Variants in HMCN1 observed in about 807,000 individuals in gnomAD.
HMCN1 encodes hemicentin-1.
Under a neutral mutation model 625.9 loss-of-function variants are expected in HMCN1, and 321 were observed. The observed-to-expected ratio is 0.51, with a 90% confidence interval of 0.47 to 0.56. HMCN1 has a LOEUF of 0.56. HMCN1 is among the 20% of genes least tolerant of loss of function. The pLI, the probability that HMCN1 is intolerant of heterozygous loss-of-function variation, is 0.00. For missense variants in HMCN1, 6,588 were observed against 6,887.3 expected (o/e 0.96, Z 1.54); for synonymous variants, 2,425 against 2,417.6 (o/e 1.00, Z -0.09).
chr1:186,016,853 C>A, intron 32 of HMCN1, 110 bp from the exon 33 acceptor site: 1 of 742,854 alleles, frequency 1.3e-6, no homozygotes, highest in South Asian at 1.4e-5. Flanking sequence ...TGTATCAAAC[C>A]ACTATGATAC....
intron 1 of HMCN1, among the ~76,000 whole-genome samples, chr1:185,819,062 C>A (rs971142238): frequency 6.6e-6 from 1 of 151,854 alleles, no homozygotes; most frequent in African/African-American, 2.4e-5. Context: ...CATGGTGAAA[C>A]CCCATCTCTA....
chr1:186,144,271 C>G lies in HMCN1; in HGVS notation c.14023C>G (p.Pro4675Ala), dbSNP rs903692305. ...AGCAAGACTTTGTAATAACCCACCA[C>G]CAGCGTTTGGTGGGTCCTACTGTGA... ...TRARLCNNPP[P>A]AFGGSYCDGA... is the part of the protein sequence containing the mutation. Residue 4675 changes from proline (P) to alanine (A), a missense_variant, in exon 90 of 107, where the codon CCA (proline) becomes GCA (alanine). Coordinates refer to ENST00000271588, the MANE Select transcript of HMCN1 (RefSeq NM_031935.3). The G allele has an allele frequency of 6.2e-7, 1 of 1,613,864 alleles. No homozygotes were observed. The highest frequency in any genetic ancestry group is 8.5e-7 in the Non-Finnish European group (1 of 1,179,824).
chr1:186,142,605 C>A (rs1650041198), intron 89 of HMCN1, among the ~76,000 whole-genome samples: 1 of 152,026 alleles, frequency 6.6e-6, no homozygotes, highest in Non-Finnish European at 1.5e-5. Flanking sequence ...ATGTTTTATG[C>A]CAACTCCAGT....
At chr1:186,066,625 C>T (rs1658133270) in intron 49 of HMCN1, among the ~76,000 whole-genome samples, 1 of 152,200 alleles carries the variant, frequency 6.6e-6, no homozygotes, top group African/African-American at 2.4e-5. Flanking sequence ...CTGTCTGACA[C>T]TACTCTGGCA....
At position 186,080,195 on chromosome 1, in the gene HMCN1, C is replaced by T. The variant is rs1659080280; in HGVS notation, c.8600-1012C>T. ...ATGTGAAAGTACGCATTCAAAATAA[C>T]ATTGAAATTCTATTGTGTGCTTTGT... On this transcript the variant is annotated intron_variant, in intron 55 of 106. Coordinates refer to ENST00000271588, the MANE Select transcript of HMCN1 (RefSeq NM_031935.3). Among the ~76,000 whole-genome samples the T allele has an allele frequency of 2.6e-5, 4 of 152,294 alleles. No homozygotes were observed. In the South Asian group the frequency reaches 8.3e-4, roughly 32 times the overall value.
chr1:185,860,486 TA>T (rs2102347896), intron 2 of HMCN1, among the ~76,000 whole-genome samples: 1 of 152,264 alleles, frequency 6.6e-6, no homozygotes, highest in African/African-American at 2.4e-5. Context: ...AACATTTATT[TA>T]TTTTTTTAAG....
chr1:185,776,139 A>G (rs1656589546), intron 1 of HMCN1, among the ~76,000 whole-genome samples: 2 of 151,896 alleles, frequency 1.3e-5, no homozygotes, highest in African/African-American at 4.8e-5. Flanking sequence ...TATTTTATTT[A>G]TTTCCTATTT....
At chr1:186,109,808 C>A (rs2102460547) in intron 71 of HMCN1, among the ~76,000 whole-genome samples, 1 of 152,298 alleles carries the variant, frequency 6.6e-6, no homozygotes, top group East Asian at 1.9e-4. Context: ...TGGTTAAAAT[C>A]TTTGATGGTT....
intron 1 of HMCN1, among the ~76,000 whole-genome samples, chr1:185,790,998 ATT>A (rs930075023): frequency 6.6e-6 from 1 of 151,724 alleles, no homozygotes; most frequent in African/African-American, 2.4e-5. Context: ...TTCCAAACTT[ATT>A]TTTTTTCTTC....
At chr1:186,144,376 A>T (rs773353075) in intron 90 of HMCN1, 33 bp downstream of exon 90, 2 of 1,608,568 alleles carry the variant, frequency 1.2e-6, no homozygotes, top group South Asian at 2.2e-5. Context: ...ACCTTAATAA[A>T]TTAACATCTA....
chr1:186,031,857 A>AAATATATATGATATAAAATAT (rs1655461275), intron 36 of HMCN1, among the ~76,000 whole-genome samples: 1 of 151,958 alleles, frequency 6.6e-6, no homozygotes, highest in Non-Finnish European at 1.5e-5. Context: ...CTCTTGATTA[A>AAATATATATGATATAAAATAT]CATCTATATT....
chr1:185,934,803 T>G (rs186302025), intron 11 of HMCN1, among the ~76,000 whole-genome samples: 2 of 152,176 alleles, frequency 1.3e-5, no homozygotes, highest in African/African-American at 4.8e-5. Flanking sequence ...CAAGGTTACC[T>G]AAGAAAATGA....
At chr1:186,062,786 T>C (rs1029948525) in intron 48 of HMCN1, among the ~76,000 whole-genome samples, 186 bp downstream of exon 48, 2 of 151,854 alleles carry the variant, frequency 1.3e-5, no homozygotes, top group Admixed American at 6.6e-5. Context: ...ACATTTTACT[T>C]ATTAGGTAAT....
intron 35 of HMCN1, among the ~76,000 whole-genome samples, chr1:186,021,243 T>C (rs537425712): frequency 3.3e-5 from 5 of 152,156 alleles, no homozygotes; most frequent in Admixed American, 2.6e-4. Context: ...CTCCTAGGAT[T>C]CCAACGTACA....
intron 77 of HMCN1, 88 bp from the exon 78 acceptor site, chr1:186,119,103 G>T: frequency 1.1e-6 from 1 of 923,508 alleles, no homozygotes; most frequent in South Asian, 1.3e-5. Flanking sequence ...CATGCTATTT[G>T]CAGAAAACAC....
At position 186,065,372 on chromosome 1, in the gene HMCN1, T is replaced by C. The variant is rs1399140125; in HGVS notation, c.7648T>C (p.Cys2550Arg). Residue 2550 changes from cysteine to arginine, a missense_variant, in exon 49 of 107, where the codon TGT becomes CGT. Around this residue, in one of 3 missense-constraint regions of HMCN1, gnomAD observed 4,628 missense variants for 4,853.1 expected, o/e 0.95. Transcript: ENST00000271588. ...GGTGCCACACACTGGAAGATATACA[T>C]GTTTGGCTTCCAGTCCAGCTGGCCA... ...VQVPHTGRYT[C>R]LASSPAGHKS... 8.1e-6 allele frequency: 13 copies of C among 1,611,586 alleles called. No homozygotes were observed. The highest frequency in any genetic ancestry group is 1.0e-5 in the Non-Finnish European group (12 of 1,179,670).
intron 17 of HMCN1, among the ~76,000 whole-genome samples, chr1:185,981,583 T>C (rs1651638995): frequency 6.6e-6 from 1 of 152,202 alleles, no homozygotes; most frequent in Non-Finnish European, 1.5e-5. Flanking sequence ...GAAATAGTAC[T>C]ACGTTGCTTA....
At chr1:185,751,724 C>A (rs753103286) in intron 1 of HMCN1, among the ~76,000 whole-genome samples, 4 of 152,032 alleles carry the variant, frequency 2.6e-5, no homozygotes, top group Non-Finnish European at 5.9e-5. Context: ...TTCCTCAAAT[C>A]TTTCATACGT....
At chr1:185,835,239 G>A (rs1014302774) in intron 1 of HMCN1, among the ~76,000 whole-genome samples, 1 of 152,220 alleles carries the variant, frequency 6.6e-6, no homozygotes, top group Non-Finnish European at 1.5e-5. Context: ...GGAGCCAGAG[G>A]TATTGAAACC....
Sources: allele counts gnomAD v4.1 joint callset (sites outside exome capture counted in the v4.1 genomes callset), GRCh38; gene constraint gnomAD v4.1.1; regional missense constraint gnomAD v4.1.1; transcripts MANE v1.5; gene names NCBI Gene and HGNC (gene_info 2026-07-23, HGNC 2026-07-21).